Variants in STK33 observed in about 807,000 individuals in gnomAD.
The protein encoded by STK33 is serine/threonine kinase 33.
A neutral mutation model predicts 58.0 loss-of-function variants in STK33; 52 were observed. The observed-to-expected ratio is 0.90, with a 90% confidence interval of 0.72 to 1.13. STK33 has a LOEUF of 1.13. Among genes scored for constraint, STK33 ranks in the 50% most tolerant of loss-of-function variants. The pLI is 0.00. For missense variants in STK33, 630 were observed against 604.2 expected (o/e 1.04, Z -0.45); for synonymous variants, 215 against 200.1 (o/e 1.07, Z -0.63).
At chr11:8,516,850 G>A (rs1162895271) in intron 1 of STK33, among the ~76,000 whole-genome samples, 2 of 152,142 alleles carry the variant, frequency 1.3e-5, no homozygotes, top group Non-Finnish European at 2.9e-5. Flanking sequence ...CAAACTGGAT[G>A]GAGCCCACCA....
At chr11:8,553,119 C>G (rs1334157440) in intron 1 of STK33, among the ~76,000 whole-genome samples, 2 of 144,856 alleles carry the variant, frequency 1.4e-5, no homozygotes, top group Admixed American at 1.4e-4. Context: ...GCTGAAGCCA[C>G]TGTACTCTAG....
chr11:8,526,137 G>A (rs938885445), intron 1 of STK33, among the ~76,000 whole-genome samples: 2 of 152,148 alleles, frequency 1.3e-5, no homozygotes, highest in East Asian at 1.9e-4. Flanking sequence ...GGTGGCTCAC[G>A]CCTGTAATCC....
chr11:8,534,532 T>TTC (rs61429377), intron 1 of STK33, among the ~76,000 whole-genome samples: 38 of 122,518 alleles, frequency 3.1e-4, no homozygotes, highest in African/African-American at 8.6e-4. Context: ...GTATATATAT[T>TTC]TCTCTCTCTC....
chr11:8,365,502 C>G, the STK33 span, among the ~76,000 whole-genome samples: 1 of 152,190 alleles, frequency 6.6e-6, no homozygotes, highest in Non-Finnish European at 1.5e-5. Flanking sequence ...CTGGGGGTGT[C>G]CCCAGGGGCC....
Position 8,392,710 on chromosome 11 carries a change from A to G in STK33, c.1345T>C (p.Ser449Pro), listed in dbSNP as rs1371292133. ...GGAAATTGCTTTTCATAAGCAGTAG[A>G]CTGCAAATAAAAGGTCTTGATTAAT... ...YTSDEEEEKQSTAYEKQFPAT... is the reference protein window; with the variant it reads ...YTSDEEEEKQPTAYEKQFPAT... The change falls in exon 16 of 16, where the codon TCT becomes CCT. Residue 449 changes from serine (S) to proline (P), a missense_variant and splice_region_variant. By Grantham distance (74) the Ser-to-Pro change is moderately conservative (BLOSUM62 -1). Transcript: ENST00000687296. 1.2e-6 allele frequency: 2 copies of G among 1,613,980 alleles called. No homozygotes were observed. The highest frequency in any genetic ancestry group is 1.7e-6 in the Non-Finnish European group (2 of 1,179,970).
At chr11:8,436,991 C>T (rs143087473) in intron 12 of STK33, among the ~76,000 whole-genome samples, 114 of 152,324 alleles carry the variant, frequency 7.5e-4, no homozygotes, top group African/African-American at 2.5e-3. Context: ...TGTCAACGCA[C>T]CCAGCCCTAA....
chr11:8,582,446 T>C (rs1164165625), intron 1 of STK33, among the ~76,000 whole-genome samples: 1 of 152,198 alleles, frequency 6.6e-6, no homozygotes, highest in African/African-American at 2.4e-5. Context: ...TCAGGAAACT[T>C]ACAATCATGG....
At chr11:8,458,254 C>T (rs1947113221) in intron 8 of STK33, among the ~76,000 whole-genome samples, 1 of 152,104 alleles carries the variant, frequency 6.6e-6, no homozygotes, top group South Asian at 2.1e-4. Context: ...TTCACAACTA[C>T]TCAGTGCTGT....
At chr11:8,397,563 C>G (rs998131880) in intron 15 of STK33, among the ~76,000 whole-genome samples, 1 of 152,180 alleles carries the variant, frequency 6.6e-6, no homozygotes, top group African/African-American at 2.4e-5. Flanking sequence ...ACCTCTCCTC[C>G]TCCAAAGGAA....
intron 1 of STK33, among the ~76,000 whole-genome samples, chr11:8,529,192 T>C (rs563541075): frequency 1.4e-4 from 21 of 152,294 alleles, no homozygotes; most frequent in Non-Finnish European, 2.8e-4. Flanking sequence ...ATCAATAATA[T>C]TTACAGTGTA....
At chr11:8,421,986 T>C (rs527475092) in intron 14 of STK33, among the ~76,000 whole-genome samples, 164 of 152,204 alleles carry the variant, frequency 1.1e-3, no homozygotes, top group Non-Finnish European at 2.0e-3. Flanking sequence ...AAATAATAAA[T>C]CTTATTTCTG....
chr11:8,506,463 CCTGGGCTAAAA>C (rs1445166013), intron 1 of STK33, among the ~76,000 whole-genome samples: 3 of 152,128 alleles, frequency 2.0e-5, no homozygotes, highest in Non-Finnish European at 4.4e-5. Context: ...TAACAGCCTC[CCTGGGCTAAAA>C]TCAAGGTGTC....
chr11:8,401,150 C>G (rs1451571354), intron 15 of STK33, among the ~76,000 whole-genome samples: 1 of 152,088 alleles, frequency 6.6e-6, no homozygotes, highest in Non-Finnish European at 1.5e-5. Context: ...AAAAAGAGCC[C>G]ACATTGCCAA....
intron 1 of STK33, among the ~76,000 whole-genome samples, chr11:8,551,756 A>T (rs1382027895): frequency 6.6e-6 from 1 of 152,152 alleles, no homozygotes; most frequent in East Asian, 1.9e-4. Flanking sequence ...ATTGCTTCCT[A>T]ATCTAGGAAA....
At position 8,454,726 on chromosome 11, in the gene STK33, C is replaced by T. The variant is rs543811155; in HGVS notation, c.786+18G>A. ...AAACTGTTTACAGGCAAATATTTACCACCATTGCTAATCTTACCTTTATGT... is the reference window on the plus strand; with the variant it reads ...AAACTGTTTACAGGCAAATATTTACTACCATTGCTAATCTTACCTTTATGT... On this transcript the variant is annotated intron_variant, in intron 10 of 15. Coordinates refer to ENST00000687296, the MANE Select transcript of STK33 (RefSeq NM_001352389.2). 1.7e-5 allele frequency: 26 copies of T among 1,558,792 alleles called. No homozygotes were observed. In the South Asian group the frequency reaches 2.9e-4, roughly 18 times the overall value.
intron 1 of STK33, among the ~76,000 whole-genome samples, chr11:8,589,232 T>C (rs1488088015): frequency 6.6e-6 from 1 of 152,026 alleles, no homozygotes; most frequent in African/African-American, 2.4e-5. Flanking sequence ...AGCAGCATTA[T>C]TCAAAATACC....
chr11:8,448,155 A>ATTC (rs1945755608), intron 11 of STK33, among the ~76,000 whole-genome samples: 1 of 152,228 alleles, frequency 6.6e-6, no homozygotes, highest in Non-Finnish European at 1.5e-5. Flanking sequence ...ATGGAAGAAC[A>ATTC]TTCCATGCTC....
the STK33 span, among the ~76,000 whole-genome samples, chr11:8,357,450 A>C: frequency 7.9e-5 from 12 of 152,354 alleles, 1 homozygote; most frequent in South Asian, 2.3e-3. Flanking sequence ...GAAGATGAAT[A>C]TTCATATTTG....
intron 8 of STK33, among the ~76,000 whole-genome samples, chr11:8,460,347 C>A (rs772310878): frequency 6.6e-6 from 1 of 151,566 alleles, no homozygotes; most frequent in African/African-American, 2.4e-5. Context: ...TCAAGAAGAC[C>A]GAGCGTGTTA....
Sources: allele counts gnomAD v4.1 joint callset (sites outside exome capture counted in the v4.1 genomes callset), GRCh38; gene constraint gnomAD v4.1.1; transcripts MANE v1.5; gene names NCBI Gene and HGNC (gene_info 2026-07-23, HGNC 2026-07-21).